The following PCLO variants were observed in gnomAD, a reference collection of about 807,000 sequenced individuals.
PCLO encodes piccolo presynaptic cytomatrix protein.
Under a neutral mutation model 427.5 loss-of-function variants are expected in PCLO, and 82 were observed. That is an observed-to-expected ratio of 0.19 (90% CI 0.16 to 0.23). PCLO has a LOEUF of 0.23. PCLO is among the 10% of genes least tolerant of loss of function. PCLO has a pLI of 1.00. For missense variants in PCLO, 6,239 were observed against 6,115.9 expected, an observed-to-expected ratio of 1.02 and a Z score of -0.67; for synonymous variants, 2,357 against 2,155.4, an observed-to-expected ratio of 1.09 and a Z score of -2.59.
intron 1 of PCLO, among the ~76,000 whole-genome samples, chr7:83,161,645 G>A (rs1792439227): frequency 6.6e-6 from 1 of 152,172 alleles, no homozygotes; most frequent in African/African-American, 2.4e-5. Flanking sequence ...AAATTCACAT[G>A]TTCTTCCCTA....
chr7:82,823,099 C>T (rs368186179), intron 19 of PCLO, among the ~76,000 whole-genome samples: 2 of 151,982 alleles, frequency 1.3e-5, no homozygotes, highest in Non-Finnish European at 2.9e-5. Context: ...AGAATCATGC[C>T]TCAAACCATT....
chr7:83,024,363 G>A (rs868716197), intron 3 of PCLO, among the ~76,000 whole-genome samples: 8 of 152,278 alleles, frequency 5.3e-5, no homozygotes, highest in African/African-American at 1.9e-4. Flanking sequence ...CTGGAAAATC[G>A]GGTCACTCCC....
chr7:83,129,791 G>A (rs1791524464), intron 3 of PCLO, among the ~76,000 whole-genome samples: 2 of 152,178 alleles, frequency 1.3e-5, no homozygotes, highest in Admixed American at 6.5e-5. Context: ...AATGTTATAT[G>A]TTTACTCAGA....
chr7:82,999,325 A>T (rs1352491195), intron 3 of PCLO, among the ~76,000 whole-genome samples: 2,145 of 140,428 alleles, frequency 0.015, 67 homozygotes, highest in African/African-American at 0.053. Flanking sequence ...TGGATATGTA[A>T]TAAATATATC....
intron 3 of PCLO, among the ~76,000 whole-genome samples, chr7:83,061,885 C>G (rs545320703): frequency 5.3e-5 from 8 of 152,160 alleles, no homozygotes; most frequent in African/African-American, 1.9e-4. Context: ...TTAGCTCAAT[C>G]CTATTCCTGA....
rs755246824 is a variant in PCLO at position 82,760,787 on chromosome 7, G to A, written c.15143-3C>T. The A allele has an allele frequency of 2.2e-6, 3 of 1,393,460 alleles. No homozygotes were observed. Among genetic ancestry groups the A allele is most frequent in the Non-Finnish European group, 3.0e-6 (3 of 1,008,422 alleles). 86.3% of individuals were successfully genotyped at this position (1,393,460 alleles called of 1,614,324 possible). On this transcript the variant is annotated splice_polypyrimidine_tract_variant and splice_region_variant and intron_variant, in intron 23 of 24. Coordinates refer to ENST00000333891, the MANE Select transcript of PCLO (RefSeq NM_033026.6). ...CACATATATTTTCACATATAAATCT[G>A]AAAATAAGAATTCAGCCCATTAAAT...
Position 82,826,627 on chromosome 7 carries a change from C to A in PCLO, c.14377G>T (p.Asp4793Tyr), listed in dbSNP as rs748791319. The part of the protein sequence containing the change: ...KKKTLEVTVW[D>Y]YDRFSSNDFL... ...TCGTTGGATGAAAATCTATCATAAT[C>A]CCAAACTGTCACCTCCAGTGTTTTC... is the stretch of plus-strand genomic sequence containing the variant. The change falls in exon 18 of 25, where the codon GAT becomes TAT. Residue 4793 changes from aspartate to tyrosine, a missense_variant. By Grantham distance (160) the Asp-to-Tyr change is radical. Transcript: ENST00000333891. The A allele has an allele frequency of 1.9e-6, 3 of 1,607,840 alleles. No homozygotes were observed. The highest frequency in any genetic ancestry group is 1.7e-5 in the Admixed American group (1 of 59,516).
intron 22 of PCLO, among the ~76,000 whole-genome samples, chr7:82,764,817 G>A (rs1790499730): frequency 8.6e-6 from 1 of 115,848 alleles, no homozygotes; most frequent in Admixed American, 9.0e-5. Context: ...AGAATATAGA[G>A]GATTTGAGGA....
At chr7:83,099,840 G>C (rs200496945) in intron 3 of PCLO, among the ~76,000 whole-genome samples, 1 of 117,324 alleles carries the variant, frequency 8.5e-6, no homozygotes, top group South Asian at 2.6e-4. Flanking sequence ...ACTTTCTTCT[G>C]CTGCTGTTGT....
chr7:83,106,258 C>A (rs2116504607), intron 3 of PCLO, among the ~76,000 whole-genome samples: 1 of 152,316 alleles, frequency 6.6e-6, no homozygotes. Context: ...GGAGAAGGAG[C>A]AGCTGCCCTT....
intron 10 of PCLO, among the ~76,000 whole-genome samples, chr7:82,876,044 C>G (rs1793361004): frequency 6.6e-6 from 1 of 151,810 alleles, no homozygotes; most frequent in Admixed American, 6.6e-5. Flanking sequence ...ATTCTGTATT[C>G]AGAAATACAG....
intron 13 of PCLO, among the ~76,000 whole-genome samples, chr7:82,842,709 G>C (rs1792397788): frequency 6.6e-6 from 1 of 151,912 alleles, no homozygotes; most frequent in South Asian, 2.1e-4. Flanking sequence ...CAACTCAACA[G>C]CAGGAAAACA....
At position 82,951,319 on chromosome 7, in the gene PCLO, T is replaced by C. The variant is rs199537114; in HGVS notation, c.9269A>G (p.Tyr3090Cys). The stretch of plus-strand genomic sequence containing the variant: ...GGGTGTTGGAGTTGCTACTGAAGAA[T>C]AGACAACACCATTAGATGACCTCAA... Reference protein sequence around the residue: ...SVLRSSNGVVYSSVATPTPST... With the variant: ...SVLRSSNGVVCSSVATPTPST... Residue 3090 changes from tyrosine to cysteine, a missense_variant, in exon 6 of 25, where the codon TAT becomes TGT. Transcript: ENST00000333891. 1.2e-5 allele frequency: 19 copies of C among 1,612,222 alleles called. No individual in the cohort carries two copies. Among genetic ancestry groups the C allele is most frequent in the Middle Eastern group, 1.6e-4 (1 of 6,062 alleles).
At chr7:82,907,092 G>A (rs1173124331) in intron 8 of PCLO, among the ~76,000 whole-genome samples, 1 of 151,826 alleles carries the variant, frequency 6.6e-6, no homozygotes, top group African/African-American at 2.4e-5. Context: ...TTAAAGATAT[G>A]AATATTTCAT....
At chr7:82,821,345 A>G in intron 20 of PCLO, 1 of 985,960 alleles carries the variant, frequency 1.0e-6, no homozygotes, top group Non-Finnish European at 1.2e-6. Flanking sequence ...CCTCAGATGG[A>G]ACCAGCTTAA....
chr7:82,863,058 T>C (rs1448878517), intron 10 of PCLO, among the ~76,000 whole-genome samples: 1 of 152,024 alleles, frequency 6.6e-6, no homozygotes, highest in Non-Finnish European at 1.5e-5. Flanking sequence ...TACCCTATTC[T>C]CCATGATGTG....
intron 22 of PCLO, among the ~76,000 whole-genome samples, chr7:82,765,236 C>T (rs1222464705): frequency 6.6e-6 from 1 of 151,724 alleles, no homozygotes; most frequent in African/African-American, 2.4e-5. Flanking sequence ...TAGCTTTAAA[C>T]TCCTGTATCA....
intron 6 of PCLO, among the ~76,000 whole-genome samples, chr7:82,943,840 A>C (rs1374042730): frequency 6.6e-6 from 1 of 152,050 alleles, no homozygotes; most frequent in Non-Finnish European, 1.5e-5. Context: ...ATGGAAGAAA[A>C]GCACAGAGGA....
rs770763155 is a variant in PCLO, at chr7:82,952,829, T to C, written c.8124A>G (p.Ile2708Met). The change falls in exon 5 of 25, where the codon ATA becomes ATG. Residue 2708 changes from isoleucine to methionine, a missense_variant. This residue lies in a region of PCLO where 4,677 missense variants were observed against 4,468.4 expected (regional missense o/e 1.05). Coordinates refer to ENST00000333891, the MANE Select transcript of PCLO (RefSeq NM_033026.6). ...CTTTATACTGAGGCTTCTCTAAATGTATGTTATCTAGAGCAAGAGGCTCTG... is the reference window on the plus strand; with the variant it reads ...CTTTATACTGAGGCTTCTCTAAATGCATGTTATCTAGAGCAAGAGGCTCTG... ...IPPEPLALDN[I>M]HLEKPQYKED... 3.1e-6 allele frequency: 5 copies of C among 1,613,546 alleles called. No individual in the cohort carries two copies. Among genetic ancestry groups the C allele is most frequent in the African/African-American group, 1.3e-5 (1 of 74,924 alleles).
Sources: allele counts gnomAD v4.1 joint callset (sites outside exome capture counted in the v4.1 genomes callset), GRCh38; gene constraint gnomAD v4.1.1; regional missense constraint gnomAD v4.1.1; transcripts MANE v1.5; gene names NCBI Gene and HGNC (gene_info 2026-07-23, HGNC 2026-07-21).